MCUB: variants seen among roughly 807,000 people sequenced by gnomAD.
The protein encoded by MCUB is calcium uniporter regulatory subunit MCUb, mitochondrial.
MCUB carries 46 observed loss-of-function variants against 41.4 expected under a neutral mutation model. The observed-to-expected ratio is 1.11, with a 90% CI of 0.88 to 1.42. The LOEUF (loss-of-function observed/expected upper bound fraction) is 1.42. Ranked by LOEUF, MCUB falls within the 40% of genes most tolerant of loss-of-function variation. The pLI, the probability that MCUB is intolerant of heterozygous loss-of-function variation, is 0.00. For synonymous variants in MCUB, 148 were observed against 148.2 expected (o/e 1.00, Z 0.01); for missense variants, 403 against 404.9 (o/e 1.00, Z 0.04).
At chr4:109,600,739 G>A (rs1221317274) in intron 1 of MCUB, among the ~76,000 whole-genome samples, 1 of 152,076 alleles carries the variant, frequency 6.6e-6, no homozygotes, top group Non-Finnish European at 1.5e-5. Context: ...AGAATTGAGA[G>A]GCCTCCAGCT....
At chr4:109,654,202 C>T (rs1375653848) in intron 1 of MCUB, among the ~76,000 whole-genome samples, 1 of 152,038 alleles carries the variant, frequency 6.6e-6, no homozygotes, top group African/African-American at 2.4e-5. Flanking sequence ...TCTTTCTGCA[C>T]TTACCCTTTT....
At chr4:109,653,151 C>A (rs78971915) in intron 1 of MCUB, among the ~76,000 whole-genome samples, 1 of 151,950 alleles carries the variant, frequency 6.6e-6, no homozygotes, top group African/African-American at 2.4e-5. Context: ...CTGAGGCGGG[C>A]GGATCGCGAG....
chr4:109,569,269 A>G (rs1488418350), intron 1 of MCUB, among the ~76,000 whole-genome samples: 1 of 152,022 alleles, frequency 6.6e-6, no homozygotes, highest in East Asian at 1.9e-4. Context: ...GATGGTCTCA[A>G]TCTCCTGACC....
chr4:109,688,579 C>T lies in MCUB; in HGVS notation c.*987C>T, dbSNP rs1712427116. The T allele has an allele frequency of 6.6e-6, 1 of 152,026 alleles. No individual in the cohort carries two copies. Among genetic ancestry groups the T allele is most frequent in the Non-Finnish European group, 1.5e-5 (1 of 68,010 alleles). 9.4% of individuals were successfully genotyped at this position (152,026 alleles called of 1,614,324 possible). On this transcript the variant is annotated 3_prime_UTR_variant, in exon 8 of 8. Coordinates refer to ENST00000394650, the MANE Select transcript of MCUB (RefSeq NM_017918.5). Reference sequence around the variant, plus strand: ...AAATGACCGAGTAAAAAACATCTATCAATTACACAAATGAACAAGAATGTG... The same window carrying T: ...AAATGACCGAGTAAAAAACATCTATTAATTACACAAATGAACAAGAATGTG...
At chr4:109,670,642 G>C (rs1729433633) in intron 4 of MCUB, among the ~76,000 whole-genome samples, 1 of 151,782 alleles carries the variant, frequency 6.6e-6, no homozygotes, top group Admixed American at 6.6e-5. Flanking sequence ...CTTGAACCCG[G>C]AAGGCGGAAG....
chr4:109,598,040 G>C (rs553679968), intron 1 of MCUB, among the ~76,000 whole-genome samples: 2 of 151,356 alleles, frequency 1.3e-5, no homozygotes, highest in Non-Finnish European at 2.9e-5. Flanking sequence ...ATGGGATGGC[G>C]GCCGGGAAGA....
chr4:109,597,713 GC>G (rs1327461663), intron 1 of MCUB, among the ~76,000 whole-genome samples: 1 of 142,920 alleles, frequency 7.0e-6, no homozygotes, highest in Non-Finnish European at 1.5e-5. Context: ...CCTGGACGGG[GC>G]GGCTGGCCGG....
intron 1 of MCUB, among the ~76,000 whole-genome samples, chr4:109,587,273 G>A (rs1727330765): frequency 6.6e-6 from 1 of 152,258 alleles, no homozygotes; most frequent in Non-Finnish European, 1.5e-5. Flanking sequence ...GCCAGGCACA[G>A]GATATAATCT....
chr4:109,630,045 C>A (rs1430695730), intron 1 of MCUB, among the ~76,000 whole-genome samples: 1 of 152,186 alleles, frequency 6.6e-6, no homozygotes, highest in Non-Finnish European at 1.5e-5. Flanking sequence ...ATAAAAGACA[C>A]TTACCACTTT....
intron 1 of MCUB, among the ~76,000 whole-genome samples, chr4:109,587,653 G>A (rs866170253): frequency 6.6e-6 from 1 of 152,118 alleles, no homozygotes; most frequent in Non-Finnish European, 1.5e-5. Context: ...CAAGTTTATA[G>A]GAAATCAGAA....
At chr4:109,623,775 C>A (rs1453481053) in intron 1 of MCUB, among the ~76,000 whole-genome samples, 9 of 152,148 alleles carry the variant, frequency 5.9e-5, no homozygotes, top group Non-Finnish European at 1.3e-4. Flanking sequence ...CAGCATTGTT[C>A]GAAGACTGGC....
chr4:109,684,585 C>T lies in MCUB; in HGVS notation c.755C>T (p.Thr252Ile). The T allele has an allele frequency of 6.2e-7, 1 of 1,603,338 alleles. No homozygotes were observed. ...TCCTGGGATATCATGGAGCCAGTTA[C>T]ATACTTCATCACATTTGCAAATTCT... Reference protein sequence around the residue: ...VYSWDIMEPVTYFITFANSMV... With the variant: ...VYSWDIMEPVIYFITFANSMV... Residue 252 changes from threonine (T) to isoleucine (I), a missense_variant, in exon 6 of 8, where the codon ACA becomes ATA. Physicochemically the swap from Thr to Ile is moderately conservative, Grantham distance 89. Transcript: ENST00000394650.
chr4:109,669,596 A>G (rs953928001), intron 4 of MCUB, among the ~76,000 whole-genome samples: 1 of 151,746 alleles, frequency 6.6e-6, no homozygotes, highest in African/African-American at 2.4e-5. Context: ...TCCTTAATCA[A>G]ATAATTCTTC....
chr4:109,611,429 G>A lies in MCUB; in HGVS notation c.100-47582G>A, dbSNP rs76491336. 9.6e-3 allele frequency among the ~76,000 whole-genome samples: 1,468 copies of A among 152,328 alleles called. 16 individuals carry two copies. The highest frequency in any genetic ancestry group is 0.016 in the Non-Finnish European group (1,102 of 68,030). ...TAAAATGCTTCTAGGGGAAGTGAAAGCAAATTCTCTAGCTTTATGGTGTAT... is the reference window on the plus strand; with the variant it reads ...TAAAATGCTTCTAGGGGAAGTGAAAACAAATTCTCTAGCTTTATGGTGTAT... On this transcript the variant is annotated intron_variant, in intron 1 of 7. Transcript: ENST00000394650.
intron 1 of MCUB, among the ~76,000 whole-genome samples, chr4:109,621,440 C>A (rs566442977): frequency 4.1e-4 from 62 of 152,140 alleles, no homozygotes; most frequent in Admixed American, 4.0e-3. Context: ...CATCTTTACC[C>A]TGCATATTTG....
intron 4 of MCUB, among the ~76,000 whole-genome samples, chr4:109,670,158 G>A (rs1205655399): frequency 6.6e-6 from 1 of 152,204 alleles, no homozygotes; most frequent in Non-Finnish European, 1.5e-5. Flanking sequence ...TAGTGATAAA[G>A]TAAGGTATGG....
intron 1 of MCUB, among the ~76,000 whole-genome samples, chr4:109,583,796 C>G (rs1040762049): frequency 6.6e-6 from 1 of 152,106 alleles, no homozygotes; most frequent in African/African-American, 2.4e-5. Context: ...TTGTCGAAGG[C>G]CTTTTCTGCA....
rs116312605 is a variant in MCUB at position 109,622,888 on chromosome 4, C to G, written c.100-36123C>G. Among the ~76,000 whole-genome samples, 767 of 152,314 alleles carry G rather than the reference C, an allele frequency of 5.0e-3. 3 individuals are homozygous for G. The highest frequency in any genetic ancestry group is 8.7e-3 in the Non-Finnish European group (593 of 68,038). The stretch of plus-strand genomic sequence containing the variant: ...GCAGCAGCAAGCTACAGCTCCCAGC[C>G]AGCCACGCATCATGCAGGTCAACAA... On this transcript the variant is annotated intron_variant, in intron 1 of 7. Coordinates refer to ENST00000394650, the MANE Select transcript of MCUB (RefSeq NM_017918.5).
At chr4:109,580,702 C>T (rs1727150984) in intron 1 of MCUB, among the ~76,000 whole-genome samples, 1 of 152,128 alleles carries the variant, frequency 6.6e-6, no homozygotes, top group Non-Finnish European at 1.5e-5. Context: ...CTGTTCATAT[C>T]CTTCGCCCAC....
Sources: allele counts gnomAD v4.1 joint callset (sites outside exome capture counted in the v4.1 genomes callset), GRCh38; gene constraint gnomAD v4.1.1; transcripts MANE v1.5; gene names NCBI Gene and HGNC (gene_info 2026-07-23, HGNC 2026-07-21).